Variants in EPB41L4B observed in about 807,000 individuals in gnomAD.
The protein encoded by EPB41L4B is band 4.1-like protein 4B.
Under a neutral mutation model 112.5 loss-of-function variants are expected in EPB41L4B, and 30 were observed. The ratio of observed to expected loss-of-function variants is 0.27; its 90% CI spans 0.20 to 0.36. The LOEUF (loss-of-function observed/expected upper bound fraction) is 0.36. EPB41L4B is among the 10% of genes least tolerant of loss of function. The pLI is 1.00. For synonymous variants in EPB41L4B, 408 were observed against 439.7 expected, an observed-to-expected ratio of 0.93 and a Z score of 0.90; for missense variants, 1,024 against 1,133.3, an observed-to-expected ratio of 0.90 and a Z score of 1.38.
At chr9:109,307,017 T>TG (rs1025638241) in intron 1 of EPB41L4B, among the ~76,000 whole-genome samples, 3 of 144,616 alleles carry the variant, frequency 2.1e-5, no homozygotes, top group South Asian at 2.2e-4. Flanking sequence ...CTGCAGTTGT[T>TG]TTTTTTTTTT....
chr9:109,175,899 T>C (rs996547079), intron 25 of EPB41L4B, among the ~76,000 whole-genome samples: 5 of 152,170 alleles, frequency 3.3e-5, no homozygotes, highest in Admixed American at 6.5e-5. Context: ...CTGGTTGCTC[T>C]GCGCAGTACT....
chr9:109,224,690 T>C (rs1306957515), intron 15 of EPB41L4B, among the ~76,000 whole-genome samples: 2 of 152,182 alleles, frequency 1.3e-5, no homozygotes, highest in Non-Finnish European at 2.9e-5. Flanking sequence ...TTGATGTGTA[T>C]CTTAAAGCTG....
intron 19 of EPB41L4B, among the ~76,000 whole-genome samples, chr9:109,201,121 T>C (rs1203902985): frequency 6.6e-6 from 1 of 152,164 alleles, no homozygotes; most frequent in East Asian, 1.9e-4. Flanking sequence ...GGGTCAGTGC[T>C]CAATATGGTG....
intron 7 of EPB41L4B, among the ~76,000 whole-genome samples, chr9:109,257,642 C>G (rs915496301): frequency 3.3e-5 from 5 of 152,092 alleles, no homozygotes; most frequent in African/African-American, 1.2e-4. Flanking sequence ...CAAATCAGAA[C>G]CAGGCTCTGT....
rs370668187 is a variant in EPB41L4B at position 109,258,296 on chromosome 9, C to G, written c.633G>C (p.Ala211=). The G allele has an allele frequency of 6.2e-7, 1 of 1,610,370 alleles. No individual in the cohort carries two copies. The highest frequency in any genetic ancestry group is 1.7e-5 in the Admixed American group (1 of 59,696). ...AVELAALCLQ[A]ELGECELPEH... is the part of the protein sequence containing the mutation. ...CTGGAAGCTCGCACTCCCCAAGCTC[C>G]GCTGTAAGTTTCATAAAAGGGAGGA... The change falls in exon 7 of 26, where the codon GCG becomes GCC. Residue 211 remains alanine, a splice_region_variant and synonymous_variant. Transcript: ENST00000374566.
chr9:109,201,436 T>C (rs897364125), intron 19 of EPB41L4B, among the ~76,000 whole-genome samples: 1 of 119,340 alleles, frequency 8.4e-6, no homozygotes, highest in African/African-American at 3.2e-5. Flanking sequence ...GGTGCTGGAG[T>C]GAGACCCTGT....
At chr9:109,197,260 T>A (rs1369722678) in intron 20 of EPB41L4B, among the ~76,000 whole-genome samples, 1 of 151,894 alleles carries the variant, frequency 6.6e-6, no homozygotes, top group African/African-American at 2.4e-5. Context: ...CTGTCTCTAC[T>A]AAAAACACAA....
At chr9:109,276,154 TACACACACACACACACAC>T (rs66791042) in intron 2 of EPB41L4B, among the ~76,000 whole-genome samples, 6,261 of 141,712 alleles carry the variant, frequency 0.044, 168 homozygotes, top group African/African-American at 0.054. Flanking sequence ...CGTGTGTGTA[TACACACACACACACACAC>T]ACACACACAC....
intron 1 of EPB41L4B, among the ~76,000 whole-genome samples, chr9:109,292,780 C>A (rs530455800): frequency 2.0e-5 from 3 of 152,184 alleles, no homozygotes; most frequent in Non-Finnish European, 2.9e-5. Flanking sequence ...CCTGTCAGTG[C>A]ATCAACCCAA....
chr9:109,270,323 T>C (rs182915539), intron 2 of EPB41L4B, among the ~76,000 whole-genome samples: 15 of 152,344 alleles, frequency 9.8e-5, no homozygotes, highest in Admixed American at 5.9e-4. Context: ...AGAGGTTATT[T>C]TGGGATGGTG....
chr9:109,223,434 CAAAA>C (rs35529450), intron 15 of EPB41L4B, among the ~76,000 whole-genome samples: 3 of 129,254 alleles, frequency 2.3e-5, no homozygotes. Flanking sequence ...GACCCTGTCT[CAAAA>C]AAAAAAAAAA....
At chr9:109,219,561 C>T (rs970267600) in intron 15 of EPB41L4B, among the ~76,000 whole-genome samples, 100 of 152,062 alleles carry the variant, frequency 6.6e-4, no homozygotes, top group Admixed American at 5.8e-3. Flanking sequence ...GGGGTTTCAC[C>T]GTGTTAGCCA....
At chr9:109,229,177 T>C (rs1833875472) in intron 15 of EPB41L4B, among the ~76,000 whole-genome samples, 1 of 152,110 alleles carries the variant, frequency 6.6e-6, no homozygotes, top group African/African-American at 2.4e-5. Flanking sequence ...GATGTCAGGG[T>C]TTTCTTCTTC....
chr9:109,290,297 C>T (rs561241179), intron 1 of EPB41L4B, among the ~76,000 whole-genome samples: 1 of 152,184 alleles, frequency 6.6e-6, no homozygotes, highest in Non-Finnish European at 1.5e-5. Context: ...TGGTGTTCTA[C>T]ACAAAGGAAT....
chr9:109,193,579 G>C (rs1284528146), intron 21 of EPB41L4B, among the ~76,000 whole-genome samples: 1 of 152,216 alleles, frequency 6.6e-6, no homozygotes, highest in Non-Finnish European at 1.5e-5. Context: ...CCTTTTCTCT[G>C]TGTAGTCACA....
intron 15 of EPB41L4B, among the ~76,000 whole-genome samples, chr9:109,223,413 G>A (rs1286022410): frequency 1.4e-5 from 2 of 146,748 alleles, no homozygotes; most frequent in African/African-American, 5.1e-5. Flanking sequence ...TCCAGCTTAG[G>A]CAAGGAGCAA....
chr9:109,184,824 A>G (rs7024936), intron 23 of EPB41L4B, among the ~76,000 whole-genome samples: 69 of 152,378 alleles, frequency 4.5e-4, no homozygotes, highest in African/African-American at 1.6e-3. Context: ...AACAAAGCGC[A>G]CATCCTGTAG....
intron 17 of EPB41L4B, among the ~76,000 whole-genome samples, chr9:109,212,934 T>C (rs374897932): frequency 2.0e-5 from 3 of 152,198 alleles, no homozygotes; most frequent in Non-Finnish European, 4.4e-5. Context: ...AAAATGTTGC[T>C]AGTGCCAAAG....
intron 17 of EPB41L4B, among the ~76,000 whole-genome samples, chr9:109,208,519 T>C (rs1833057454): frequency 6.6e-6 from 1 of 152,230 alleles, no homozygotes; most frequent in African/African-American, 2.4e-5. Flanking sequence ...AAGAAATTTA[T>C]ATTTGTTAGC....
Sources: gnomAD v4.1 joint callset for allele counts (sites outside exome capture counted in the v4.1 genomes callset) on GRCh38, gnomAD v4.1.1 for gene constraint, MANE v1.5 for transcripts, NCBI Gene and HGNC (gene_info 2026-07-23, HGNC 2026-07-21) for gene names.